FAM162A: variants seen among roughly 807,000 people sequenced by gnomAD.
The protein encoded by FAM162A is family with sequence similarity 162 member A, also known as protein FAM162A.
In FAM162A, 23 loss-of-function variants were observed where a neutral mutation model predicts 21.8. The observed-to-expected ratio is 1.05, with a 90% CI of 0.76 to 1.49. The LOEUF is 1.49. Among genes scored for constraint, FAM162A ranks in the 40% most tolerant of loss-of-function variants. The pLI is 0.00. For synonymous variants in FAM162A, 53 were observed against 61.3 expected (o/e 0.86, Z 0.64); for missense variants, 165 against 186.4 (o/e 0.89, Z 0.67).
At chr3:122,402,904 T>C in intron 2 of FAM162A, 22 bp downstream of exon 2, 1 of 1,581,078 alleles carries the variant, frequency 6.3e-7, no homozygotes, top group Non-Finnish European at 8.5e-7. Context: ...TTTTTTCTAT[T>C]TATGGAGTTG....
At position 122,411,566 on chromosome 3, in the gene FAM162A, T is replaced by G. The variant is rs1257236575; in HGVS notation, c.*1735T>G. The G allele has an allele frequency of 6.6e-6, 1 of 151,988 alleles. No homozygotes were observed. The highest frequency in any genetic ancestry group is 2.4e-5 in the African/African-American group (1 of 41,388). The allele number at this position is 151,988 out of a possible 1,614,324, so 9.4% of individuals were successfully genotyped here. A position where few individuals can be genotyped will look rare whatever the true frequency, so the allele number is the denominator to read the frequency against. Reference sequence around the variant, plus strand: ...AGCTTAAATTTAATGAAACCTTTTTTTTTTTTTTGAGACAGTCTTGCACTG... The same window carrying G: ...AGCTTAAATTTAATGAAACCTTTTTGTTTTTTTTGAGACAGTCTTGCACTG... On this transcript the variant is annotated 3_prime_UTR_variant, in exon 5 of 5. Transcript: ENST00000477892.
At chr3:122,386,568 A>G (rs886201218) in intron 1 of FAM162A, among the ~76,000 whole-genome samples, 28 of 146,126 alleles carry the variant, frequency 1.9e-4, no homozygotes, top group Non-Finnish European at 3.6e-4. Flanking sequence ...AAAAAAAAAA[A>G]AAAAAAGAAA....
chr3:122,409,547 G>A (rs1127343), intron 4 of FAM162A, among the ~76,000 whole-genome samples, 192 bp from the exon 5 acceptor site: 91,658 of 151,910 alleles, frequency 0.6, 27,904 homozygotes, highest in East Asian at 0.8. Context: ...TTATGCTTGA[G>A]TGGATGAGCT....
intron 3 of FAM162A, among the ~76,000 whole-genome samples, chr3:122,406,814 T>C (rs1033554923): frequency 6.6e-6 from 1 of 152,238 alleles, no homozygotes; most frequent in Non-Finnish European, 1.5e-5. Context: ...TGTTGAAACA[T>C]ATGAAGCTTA....
chr3:122,399,338 T>A (rs1286347521), intron 1 of FAM162A, among the ~76,000 whole-genome samples: 2 of 151,932 alleles, frequency 1.3e-5, no homozygotes, highest in Non-Finnish European at 2.9e-5. Context: ...TATTTATTTA[T>A]TTTTTGAGAC....
intron 1 of FAM162A, among the ~76,000 whole-genome samples, chr3:122,392,486 T>C (rs1044647927): frequency 6.6e-6 from 1 of 152,238 alleles, no homozygotes; most frequent in Admixed American, 6.5e-5. Context: ...TGGTAAATTT[T>C]ATGTTATGTA....
intron 1 of FAM162A, among the ~76,000 whole-genome samples, chr3:122,392,859 G>A (rs1301909471): frequency 6.6e-6 from 1 of 151,940 alleles, no homozygotes; most frequent in African/African-American, 2.4e-5. Flanking sequence ...ATTGAAAAGT[G>A]TTCTAGAAGT....
intron 1 of FAM162A, among the ~76,000 whole-genome samples, chr3:122,387,368 A>G (rs990024869): frequency 6.6e-6 from 1 of 152,222 alleles, no homozygotes; most frequent in African/African-American, 2.4e-5. Flanking sequence ...GTAATGGACT[A>G]TGGGCTGCCT....
chr3:122,400,256 C>G (rs28864113), intron 1 of FAM162A, among the ~76,000 whole-genome samples: 4,315 of 152,160 alleles, frequency 0.028, 213 homozygotes, highest in African/African-American at 0.098. Context: ...TCATTCTCAG[C>G]AAACTAACAC....
intron 1 of FAM162A, 56 bp downstream of exon 1, chr3:122,384,355 G>T (rs2075562884): frequency 6.5e-7 from 1 of 1,549,234 alleles, no homozygotes. Context: ...CGCTGCGGGT[G>T]GGGGAATCCT....
At chr3:122,407,614 A>T (rs540539331) in intron 4 of FAM162A, 1 of 511,506 alleles carries the variant, frequency 2.0e-6, no homozygotes, top group East Asian at 2.9e-5. Context: ...GAAGGACTAG[A>T]TTCATTTTGT....
intron 4 of FAM162A, 47 bp downstream of exon 4, chr3:122,407,436 G>T (rs148852228): frequency 1.3e-5 from 19 of 1,436,210 alleles, no homozygotes; most frequent in Non-Finnish European, 1.9e-5. Flanking sequence ...TCTCCACCAA[G>T]AACCTAGAGT....
chr3:122,394,738 A>G (rs982907882), intron 1 of FAM162A, among the ~76,000 whole-genome samples: 2 of 152,168 alleles, frequency 1.3e-5, no homozygotes, highest in African/African-American at 2.4e-5. Context: ...ATCTTTCACA[A>G]ATTCTTCCAA....
Position 122,384,236 on chromosome 3 carries a change from C to G in FAM162A, c.-30C>G, listed in dbSNP as rs763799934. 3 of 1,562,824 alleles carry G rather than the reference C, an allele frequency of 1.9e-6. No homozygotes were observed. In the South Asian group the frequency reaches 3.5e-5, roughly 18 times the overall value. On this transcript the variant is annotated 5_prime_UTR_variant, in exon 1 of 5. Transcript: ENST00000477892. ...CAGCGCCACCGTCCCCGGCGAAGTT[C>G]TGCGCTGGTCGGCGGAGTAGCAAGT...
intron 1 of FAM162A, among the ~76,000 whole-genome samples, chr3:122,394,788 G>A (rs2075619883): frequency 6.6e-6 from 1 of 152,098 alleles, no homozygotes; most frequent in African/African-American, 2.4e-5. Flanking sequence ...TACATTTGAT[G>A]AGGCCACATT....
chr3:122,394,162 T>C (rs1001756645), intron 1 of FAM162A, among the ~76,000 whole-genome samples: 3 of 152,118 alleles, frequency 2.0e-5, no homozygotes, highest in African/African-American at 7.2e-5. Context: ...AAGAACTCAC[T>C]ATCACGAGGA....
intron 4 of FAM162A, 40 bp downstream of exon 4, chr3:122,407,429 C>T: frequency 6.8e-7 from 1 of 1,460,634 alleles, no homozygotes; most frequent in Non-Finnish European, 9.6e-7. Context: ...TGTATGTTCT[C>T]CACCAAGAAC....
At chr3:122,407,218 C>A in intron 3 of FAM162A, 63 bp from the exon 4 acceptor site, 2 of 1,384,840 alleles carry the variant, frequency 1.4e-6, no homozygotes, top group Non-Finnish European at 2.0e-6. Context: ...AGCCTTTTAT[C>A]CTGAGCAACT....
chr3:122,388,047 AACCT>A (rs1429241928), intron 1 of FAM162A, among the ~76,000 whole-genome samples: 1 of 152,228 alleles, frequency 6.6e-6, no homozygotes, highest in Non-Finnish European at 1.5e-5. Flanking sequence ...GGACCAAAAA[AACCT>A]TTTAGCAGGA....
Sources: gnomAD v4.1 joint callset for allele counts (sites outside exome capture counted in the v4.1 genomes callset) on GRCh38, gnomAD v4.1.1 for gene constraint, MANE v1.5 for transcripts, NCBI Gene and HGNC (gene_info 2026-07-23, HGNC 2026-07-21) for gene names.